Variants in B3GAT3 observed in about 807,000 individuals in gnomAD.
B3GAT3 encodes galactosylgalactosylxylosylprotein 3-beta-glucuronosyltransferase 3.
B3GAT3 carries 19 observed loss-of-function variants against 33.1 expected under a neutral mutation model. That is an observed-to-expected ratio of 0.57 (90% CI 0.40 to 0.84). The LOEUF (loss-of-function observed/expected upper bound fraction) is 0.84. Among genes scored for constraint, B3GAT3 ranks in the 40% least tolerant of loss-of-function variants. The pLI is 0.00. For synonymous variants in B3GAT3, 167 were observed against 193.5 expected (o/e 0.86, Z 1.14); for missense variants, 344 against 441.5 (o/e 0.78, Z 1.98).
Position 62,615,467 on chromosome 11 carries a change from C to T in B3GAT3, c.*234G>A. 1 of 721,364 alleles carries T rather than the reference C, an allele frequency of 1.4e-6. No homozygotes were observed. Among genetic ancestry groups the T allele is most frequent in the Admixed American group, 2.7e-5 (1 of 37,296 alleles). The allele number at this position is 721,364 out of a possible 1,614,324, so 44.7% of individuals were successfully genotyped here. On this transcript the variant is annotated 3_prime_UTR_variant, in exon 5 of 5. Coordinates refer to ENST00000265471, the MANE Select transcript of B3GAT3 (RefSeq NM_012200.4). ...ATCTGTCCTTCTGTTCCACCCTAGA[C>T]AGGGCCAACCTGACTCAACACAAGG... is the stretch of plus-strand genomic sequence containing the variant.
intron 3 of B3GAT3, 58 bp from the exon 4 acceptor site, chr11:62,616,854 A>T: frequency 6.2e-7 from 1 of 1,612,516 alleles, no homozygotes; most frequent in Non-Finnish European, 8.5e-7. Flanking sequence ...GAGCAGCAGA[A>T]AGAGCCACCT....
Position 62,621,863 on chromosome 11 carries a change from C to T in B3GAT3, c.82+3G>A, listed in dbSNP as rs749364485. ...CGCCGCACCCCCGCCCCGCCCCGCT[C>T]ACCGAGCTGTACCAGCGCGTAGAGG... On this transcript the variant is annotated splice_donor_region_variant and intron_variant, in intron 1 of 4. Coordinates refer to ENST00000265471, the MANE Select transcript of B3GAT3 (RefSeq NM_012200.4). The T allele has an allele frequency of 1.1e-5, 17 of 1,611,260 alleles. No individual in the cohort carries two copies. The highest frequency in any genetic ancestry group is 1.4e-5 in the Non-Finnish European group (17 of 1,178,768).
rs778227646 is a variant in B3GAT3 at position 62,615,806 on chromosome 11, C to T, written c.910-7G>A. On this transcript the variant is annotated splice_polypyrimidine_tract_variant and splice_region_variant and intron_variant, in intron 4 of 4. Coordinates refer to ENST00000265471, the MANE Select transcript of B3GAT3 (RefSeq NM_012200.4). ...GAGTATGCCACACCAGTACCTGTGC[C>T]AGGAGGGATGCAGTGAGAGCCAGGC... is the stretch of plus-strand genomic sequence containing the variant. The T allele has an allele frequency of 1.9e-6, 3 of 1,613,494 alleles. No homozygotes were observed. Among genetic ancestry groups the T allele is most frequent in the African/African-American group, 1.3e-5 (1 of 75,066 alleles).
chr11:62,617,940 C>T (rs1021874388), intron 2 of B3GAT3, among the ~76,000 whole-genome samples: 3 of 151,370 alleles, frequency 2.0e-5, no homozygotes, highest in Non-Finnish European at 4.4e-5. Flanking sequence ...CTTTAGGAGG[C>T]CGAGGTGGGC....
intron 2 of B3GAT3, among the ~76,000 whole-genome samples, chr11:62,618,605 T>C (rs1167574830): frequency 3.4e-5 from 5 of 147,762 alleles, no homozygotes; most frequent in Admixed American, 2.1e-4. Flanking sequence ...GAGCTTGCAG[T>C]GAGCCAAGAT....
intron 2 of B3GAT3, among the ~76,000 whole-genome samples, chr11:62,620,243 G>A (rs558960779): frequency 3.2e-4 from 49 of 151,012 alleles, no homozygotes; most frequent in Non-Finnish European, 5.8e-4. Context: ...GGCTGGTCTC[G>A]AACTCCTGAC....
chr11:62,620,088 C>T (rs1943116649), intron 2 of B3GAT3, among the ~76,000 whole-genome samples: 1 of 151,988 alleles, frequency 6.6e-6, no homozygotes, highest in Admixed American at 6.5e-5. Context: ...CAATAGCGCA[C>T]TCTCAGCTCA....
intron 4 of B3GAT3, chr11:62,616,110 A>G (rs1356965868): frequency 4.0e-5 from 26 of 651,466 alleles, no homozygotes; most frequent in Non-Finnish European, 4.5e-5. Flanking sequence ...CGGGCGTGGT[A>G]GCGGGTGCCT....
rs1444177831 is a variant in B3GAT3, at chr11:62,615,361, A to G, written c.*340T>C. ...CAGCATGCTCAGGTGGGAAGGGTCC[A>G]GCCCAGCTCCTCCAGCCCCCCAGTG... On this transcript the variant is annotated 3_prime_UTR_variant, in exon 5 of 5. Coordinates refer to ENST00000265471, the MANE Select transcript of B3GAT3 (RefSeq NM_012200.4). 4.3e-6 allele frequency: 2 copies of G among 469,462 alleles called. No homozygotes were observed. The highest frequency in any genetic ancestry group is 7.9e-6 in the Non-Finnish European group (2 of 254,610). 29.1% of individuals were successfully genotyped at this position (469,462 alleles called of 1,614,324 possible).
intron 2 of B3GAT3, among the ~76,000 whole-genome samples, chr11:62,617,653 T>A (rs554591016): frequency 6.6e-6 from 1 of 150,912 alleles, no homozygotes; most frequent in African/African-American, 2.4e-5. Flanking sequence ...GGCAGGTGAA[T>A]TACCTGAGGT....
Position 62,621,882 on chromosome 11 carries a change from G to A in B3GAT3, c.66C>T (p.Tyr22=), listed in dbSNP as rs1002382290. Residue 22 remains tyrosine (Y), a synonymous_variant, in exon 1 of 5, where the codon TAC becomes TAT. Coordinates refer to ENST00000265471, the MANE Select transcript of B3GAT3 (RefSeq NM_012200.4). ...CCCGCTCACCGAGCTGTACCAGCGC[G>A]TAGAGGAGGCCGGCGATCGACACCA... ...YFLVSIAGLL[Y]ALVQLGQPCD... 16 of 1,612,590 alleles carry A rather than the reference G, an allele frequency of 9.9e-6. No individual in the cohort carries two copies. The highest frequency in any genetic ancestry group is 1.7e-4 in the Middle Eastern group (1 of 6,056).
intron 2 of B3GAT3, among the ~76,000 whole-genome samples, chr11:62,619,713 T>TTTTTTC: frequency 7.1e-6 from 1 of 139,958 alleles, no homozygotes; most frequent in Non-Finnish European, 1.5e-5. Flanking sequence ...TTTTTTTTTT[T>TTTTTTC]TTTTTTTTTT....
At chr11:62,619,835 C>T (rs1446849902) in intron 2 of B3GAT3, among the ~76,000 whole-genome samples, 6 of 150,848 alleles carry the variant, frequency 4.0e-5, no homozygotes, top group Non-Finnish European at 8.9e-5. Flanking sequence ...TGAGCCACTG[C>T]GCCCAGACAA....
At position 62,620,511 on chromosome 11, in the gene B3GAT3, G is replaced by A. The variant is rs148344427; in HGVS notation, c.243C>T (p.Thr81=). The A allele has an allele frequency of 1.2e-5, 20 of 1,612,088 alleles. No homozygotes were observed. In the Admixed American group the frequency reaches 2.7e-4, roughly 22 times the overall value. Residue 81 remains threonine (T), a synonymous_variant, in exon 2 of 5, where the codon ACC becomes ACT. Coordinates refer to ENST00000265471, the MANE Select transcript of B3GAT3 (RefSeq NM_012200.4). ...PEALPTIYVV[T]PTYARLVQKA... ...AGAGCCCATACCTGGCATAGGTGGG[G>A]GTAACAACATAGATAGTAGGCAGGG... is the stretch of plus-strand genomic sequence containing the variant.
rs562657438 is a variant in B3GAT3, at chr11:62,616,783, C to A, written c.632G>T (p.Arg211Leu). Residue 211 changes from arginine to leucine, a missense_variant, in exon 4 of 5, where the codon CGT (arginine) becomes CTT (leucine). Arg to Leu is a moderately radical substitution (Grantham distance 102). Coordinates refer to ENST00000265471, the MANE Select transcript of B3GAT3 (RefSeq NM_012200.4). ...RELFEEMRWT[R>L]GVSVWPVGLV... ...CCCCACAGGCCACACTGAGACACCA[C>A]GGGTCCAGCGCATCTAACGGAGGTC... The A allele has an allele frequency of 6.2e-7, 1 of 1,613,868 alleles. No homozygotes were observed. The highest frequency in any genetic ancestry group is 8.5e-7 in the Non-Finnish European group (1 of 1,179,982).
intron 1 of B3GAT3, among the ~76,000 whole-genome samples, chr11:62,621,653 C>T (rs1370658833): frequency 6.6e-6 from 1 of 152,208 alleles, no homozygotes; most frequent in Non-Finnish European, 1.5e-5. Flanking sequence ...TCATGCGGGG[C>T]CTTGCAGGCT....
Position 62,615,729 on chromosome 11 carries a change from C to T in B3GAT3, c.980G>A (p.Arg327Gln), listed in dbSNP as rs569989507. The T allele has an allele frequency of 4.9e-5, 79 of 1,613,746 alleles. No homozygotes were observed. In the Middle Eastern group the frequency reaches 4.9e-4, roughly 10 times the overall value. ...CACCTCAATTGCTGGGTCTGAGCCC[C>T]GGCCCTGCCGCTGCAGCTGCTCCTC... ...KQEEQLQRQG[R>Q]GSDPAIEV Residue 327 changes from arginine to glutamine, a missense_variant, in exon 5 of 5, where the codon CGG (arginine) becomes CAG (glutamine). Physicochemically the swap from Arg to Gln is conservative, Grantham distance 43 (BLOSUM62 1). Coordinates refer to ENST00000265471, the MANE Select transcript of B3GAT3 (RefSeq NM_012200.4).
chr11:62,619,349 G>C (rs1943097598), intron 2 of B3GAT3, among the ~76,000 whole-genome samples: 1 of 152,080 alleles, frequency 6.6e-6, no homozygotes, highest in African/African-American at 2.4e-5. Context: ...CCCAGAAGAT[G>C]TATTAACACC....
At position 62,617,331 on chromosome 11, in the gene B3GAT3, C is replaced by A. The variant is rs1461038553; in HGVS notation, c.274G>T (p.Glu92Ter). The part of the protein sequence containing the change: ...PTYARLVQKA[E>*]LVRLSQTLSL... ...AGTGTCTGGGACAGTCGTACCAGCTCTGCCTTCTGTACCAGCCTGCAGGGG... is the reference window on the plus strand; with the variant it reads ...AGTGTCTGGGACAGTCGTACCAGCTATGCCTTCTGTACCAGCCTGCAGGGG... The change falls in exon 3 of 5, where the codon GAG becomes TAG. Residue 92 changes from glutamate (E) to a stop codon, truncating the protein, a stop_gained. Transcript: ENST00000265471. LOFTEE classifies it high-confidence loss of function. 1 of 1,612,714 alleles carries A rather than the reference C, an allele frequency of 6.2e-7. No homozygotes were observed.
Sources: allele counts gnomAD v4.1 joint callset (sites outside exome capture counted in the v4.1 genomes callset), GRCh38; gene constraint gnomAD v4.1.1; transcripts MANE v1.5; gene names NCBI Gene and HGNC (gene_info 2026-07-23, HGNC 2026-07-21).